Variants in TMEM132C observed in about 807,000 individuals in gnomAD.
TMEM132C encodes the protein protein phosphatase 1, regulatory subunit 152.
Under a neutral mutation model 61.4 loss-of-function variants are expected in TMEM132C, and 29 were observed. The observed-to-expected ratio is 0.47, with a 90% confidence interval of 0.35 to 0.64. The LOEUF is 0.64. TMEM132C is among the 30% of genes least tolerant of loss of function. The pLI, the probability that TMEM132C is intolerant of heterozygous loss-of-function variation, is 0.00. For missense variants in TMEM132C, 1,408 were observed against 1,476.9 expected (o/e 0.95, Z 0.76); for synonymous variants, 656 against 633.1 (o/e 1.04, Z -0.54).
chr12:128,297,279 C>T (rs952503618), intron 1 of TMEM132C, among the ~76,000 whole-genome samples: 2 of 152,152 alleles, frequency 1.3e-5, no homozygotes, highest in Non-Finnish European at 2.9e-5. Flanking sequence ...GAACACCATG[C>T]AGAAGTTGGG....
intron 2 of TMEM132C, among the ~76,000 whole-genome samples, chr12:128,464,132 C>T (rs1870640361): frequency 6.6e-6 from 1 of 152,226 alleles, no homozygotes; most frequent in Non-Finnish European, 1.5e-5. Flanking sequence ...CGTCAGGCAA[C>T]AGTTCTCCAC....
chr12:128,350,863 A>G (rs1013283791), intron 1 of TMEM132C, among the ~76,000 whole-genome samples: 6 of 152,164 alleles, frequency 3.9e-5, no homozygotes, highest in African/African-American at 1.4e-4. Flanking sequence ...ATATATTACT[A>G]GAGGCACCAG....
At chr12:128,457,305 TAA>T (rs578230110) in intron 2 of TMEM132C, among the ~76,000 whole-genome samples, 18 of 120,828 alleles carry the variant, frequency 1.5e-4, no homozygotes, top group South Asian at 2.7e-4. Context: ...TCTCCATCTG[TAA>T]AAAAAAAAAA....
intron 1 of TMEM132C, among the ~76,000 whole-genome samples, chr12:128,339,263 C>T (rs2135952049): frequency 6.6e-6 from 1 of 151,940 alleles, no homozygotes; most frequent in Non-Finnish European, 1.5e-5. Context: ...GATCAAGTTA[C>T]AGAGGGCTTT....
intron 1 of TMEM132C, among the ~76,000 whole-genome samples, chr12:128,387,140 CAAAAAAA>C (rs34160455): frequency 2.3e-5 from 2 of 85,628 alleles, no homozygotes; most frequent in South Asian, 9.7e-4. Flanking sequence ...GACTCTGCCT[CAAAAAAA>C]AAAAAAAAAA....
At chr12:128,435,034 G>T in intron 2 of TMEM132C, among the ~76,000 whole-genome samples, 1 of 151,958 alleles carries the variant, frequency 6.6e-6, no homozygotes, top group East Asian at 1.9e-4. Context: ...ACTTCATTTG[G>T]TATAGAGTCA....
At chr12:128,427,576 C>G (rs1869237868) in intron 2 of TMEM132C, among the ~76,000 whole-genome samples, 1 of 152,050 alleles carries the variant, frequency 6.6e-6, no homozygotes, top group Non-Finnish European at 1.5e-5. Flanking sequence ...AGGGCTGGAT[C>G]CTCCAGACTC....
chr12:128,577,441 A>AAC (rs1258925984), intron 3 of TMEM132C, among the ~76,000 whole-genome samples: 3 of 152,098 alleles, frequency 2.0e-5, no homozygotes, highest in Non-Finnish European at 4.4e-5. Flanking sequence ...GGGATAGGAG[A>AAC]ACCTGGGAGA....
chr12:128,306,674 C>T (rs1421421908), intron 1 of TMEM132C, among the ~76,000 whole-genome samples: 2 of 152,154 alleles, frequency 1.3e-5, no homozygotes, highest in African/African-American at 2.4e-5. Flanking sequence ...TTTTTGAAGA[C>T]TTCAAGAAGA....
At chr12:128,498,072 T>A (rs1872031164) in intron 2 of TMEM132C, among the ~76,000 whole-genome samples, 1 of 152,200 alleles carries the variant, frequency 6.6e-6, no homozygotes, top group Non-Finnish European at 1.5e-5. Context: ...TTGGGTGGGC[T>A]CATTAGGATC....
At chr12:128,336,981 T>C (rs1452043855) in intron 1 of TMEM132C, among the ~76,000 whole-genome samples, 1 of 152,154 alleles carries the variant, frequency 6.6e-6, no homozygotes, top group Non-Finnish European at 1.5e-5. Flanking sequence ...TTATCTACAT[T>C]TTGGCCTCCT....
chr12:128,600,176 G>A (rs1876128413), intron 3 of TMEM132C, among the ~76,000 whole-genome samples: 1 of 152,074 alleles, frequency 6.6e-6, no homozygotes, highest in Non-Finnish European at 1.5e-5. Flanking sequence ...TAGAGACGAG[G>A]TTTCACCGTG....
At chr12:128,428,818 C>T (rs1225010958) in intron 2 of TMEM132C, among the ~76,000 whole-genome samples, 1 of 152,154 alleles carries the variant, frequency 6.6e-6, no homozygotes, top group Non-Finnish European at 1.5e-5. Context: ...CCTTTCTGTG[C>T]TTCAGTTTCT....
chr12:128,313,998 T>C (rs1435280454), intron 1 of TMEM132C, among the ~76,000 whole-genome samples: 1 of 152,184 alleles, frequency 6.6e-6, no homozygotes, highest in Non-Finnish European at 1.5e-5. Flanking sequence ...GTCTGAGAAG[T>C]TGATTAAATC....
At position 128,684,617 on chromosome 12, in the gene TMEM132C, A is replaced by C. The variant is rs58416466; in HGVS notation, c.1450-9212A>C. Among the ~76,000 whole-genome samples the C allele has an allele frequency of 6.6e-4, 100 of 152,296 alleles. 2 individuals are homozygous for C. The East Asian group carries it at 0.018, about 28-fold the overall frequency. Reference sequence around the variant, plus strand: ...GGAGATGTGTCCAAGTCTTGGCAGCATTGTGCATTGTCAGCTGGATAAAGT... The same window carrying C: ...GGAGATGTGTCCAAGTCTTGGCAGCCTTGTGCATTGTCAGCTGGATAAAGT... On this transcript the variant is annotated intron_variant, in intron 5 of 8. Coordinates refer to ENST00000435159, the MANE Select transcript of TMEM132C (RefSeq NM_001136103.3).
intron 2 of TMEM132C, among the ~76,000 whole-genome samples, chr12:128,529,726 A>G (rs1264004822): frequency 1.3e-5 from 2 of 152,058 alleles, no homozygotes; most frequent in Admixed American, 6.6e-5. Flanking sequence ...GTGGAGGTTG[A>G]AGTGAGCCGA....
intron 1 of TMEM132C, among the ~76,000 whole-genome samples, chr12:128,379,075 G>A (rs1054346998): frequency 6.6e-6 from 1 of 152,202 alleles, no homozygotes; most frequent in Non-Finnish European, 1.5e-5. Flanking sequence ...AAATGGCCCA[G>A]TCTTTGGTTT....
At chr12:128,675,263 A>C (rs1423579206) in intron 5 of TMEM132C, among the ~76,000 whole-genome samples, 1 of 152,140 alleles carries the variant, frequency 6.6e-6, no homozygotes, top group Non-Finnish European at 1.5e-5. Flanking sequence ...TAAACATGCG[A>C]GACTTTATTT....
chr12:128,426,448 A>G (rs951786109), intron 2 of TMEM132C, among the ~76,000 whole-genome samples: 7 of 152,206 alleles, frequency 4.6e-5, no homozygotes, highest in African/African-American at 1.7e-4. Flanking sequence ...CATTAGCAGA[A>G]GAGACCCTAA....
Sources: gnomAD v4.1 joint callset for allele counts (sites outside exome capture counted in the v4.1 genomes callset) on GRCh38, gnomAD v4.1.1 for gene constraint, MANE v1.5 for transcripts, NCBI Gene and HGNC (gene_info 2026-07-23, HGNC 2026-07-21) for gene names.